The following RNLS variants were observed in gnomAD, a reference collection of about 807,000 sequenced individuals.
RNLS encodes renalase, FAD dependent amine oxidase.
RNLS carries 39 observed loss-of-function variants against 39.8 expected under a neutral mutation model. The ratio of observed to expected loss-of-function variants is 0.98; its 90% CI spans 0.76 to 1.28. The LOEUF is 1.28. Ranked by LOEUF, RNLS falls within the 50% of genes most tolerant of loss-of-function variation. The probability of loss-of-function intolerance (pLI) is 0.00; values close to 1 mark genes in which losing one functional copy is unlikely to be tolerated. For synonymous variants in RNLS, 147 were observed against 150.7 expected (o/e 0.98, Z 0.18); for missense variants, 410 against 413.3 (o/e 0.99, Z 0.07).
chr10:88,520,935 C>A (rs190411905), intron 4 of RNLS, among the ~76,000 whole-genome samples: 1 of 152,052 alleles, frequency 6.6e-6, no homozygotes, highest in African/African-American at 2.4e-5. Context: ...CTTGGCTGGG[C>A]TTCTCGTTCT....
At chr10:88,262,561 G>A in the RNLS span, among the ~76,000 whole-genome samples, 1 of 152,050 alleles carries the variant, frequency 6.6e-6, no homozygotes, top group Non-Finnish European at 1.5e-5. Context: ...TAGTTTTCAG[G>A]GGTAGTATAT....
At chr10:88,304,389 A>C (rs181189205) in intron 6 of RNLS, among the ~76,000 whole-genome samples, 1 of 152,356 alleles carries the variant, frequency 6.6e-6, no homozygotes, top group Admixed American at 6.5e-5. Flanking sequence ...ATGGATAGGA[A>C]TGAAGAACAC....
chr10:88,470,617 A>AC (rs374038961), intron 4 of RNLS, among the ~76,000 whole-genome samples: 1 of 141,668 alleles, frequency 7.1e-6, no homozygotes, highest in African/African-American at 2.6e-5. Context: ...TGTAATTTTA[A>AC]TTTTTTTTTT....
intron 5 of RNLS, among the ~76,000 whole-genome samples, chr10:88,348,234 A>G (rs999107959): frequency 6.6e-5 from 10 of 151,748 alleles, no homozygotes; most frequent in Non-Finnish European, 1.5e-4. Context: ...CATCTCATCT[A>G]TGACCTATAA....
intron 4 of RNLS, among the ~76,000 whole-genome samples, chr10:88,442,277 G>A (rs1012513709): frequency 2.0e-5 from 3 of 152,096 alleles, no homozygotes; most frequent in African/African-American, 7.2e-5. Context: ...TAAGTATATT[G>A]TTTATTTATT....
intron 5 of RNLS, among the ~76,000 whole-genome samples, chr10:88,315,076 T>C (rs374277517): frequency 2.2e-3 from 342 of 152,342 alleles, no homozygotes; most frequent in African/African-American, 7.5e-3. Context: ...CAATTAATGC[T>C]TAATGGGTTG....
rs1846279957 is a variant in RNLS at position 88,513,947 on chromosome 10, AT to A, written c.526+58955del. On this transcript the variant is annotated intron_variant, in intron 4 of 6. Transcript: ENST00000331772. ...TACATTTATTTTAGTGAAGTTCAACATTTTTTTTCATGTTTAATAACTACTT... is the reference window on the plus strand; with the variant it reads ...TACATTTATTTTAGTGAAGTTCAACATTTTTTTCATGTTTAATAACTACTT... Among the ~76,000 whole-genome samples the A allele has an allele frequency of 6.6e-5, 10 of 151,774 alleles. No individual in the cohort carries two copies. In the South Asian group the frequency reaches 1.9e-3, roughly 28 times the overall value.
chr10:88,450,844 A>C (rs930594260), intron 4 of RNLS, among the ~76,000 whole-genome samples: 7 of 152,250 alleles, frequency 4.6e-5, no homozygotes, highest in African/African-American at 4.8e-5. Flanking sequence ...ATATCTTTGT[A>C]CATGAGTTGT....
At chr10:88,407,329 C>T (rs1033290869) in intron 4 of RNLS, among the ~76,000 whole-genome samples, 4 of 151,882 alleles carry the variant, frequency 2.6e-5, no homozygotes, top group African/African-American at 9.7e-5. Flanking sequence ...AAAAATGCAA[C>T]ATTTATTGTT....
At chr10:88,428,039 A>T (rs1854904712) in intron 4 of RNLS, among the ~76,000 whole-genome samples, 1 of 151,238 alleles carries the variant, frequency 6.6e-6, no homozygotes, top group Non-Finnish European at 1.5e-5. Flanking sequence ...CTTGAACAAT[A>T]AAAAAAAAGA....
chr10:88,412,255 C>A (rs533488677), intron 4 of RNLS, among the ~76,000 whole-genome samples: 1 of 151,994 alleles, frequency 6.6e-6, no homozygotes, highest in Admixed American at 6.6e-5. Flanking sequence ...GGAACTCTTA[C>A]GTGGATCCTA....
At chr10:88,573,619 G>T (rs1017301907) in intron 3 of RNLS, among the ~76,000 whole-genome samples, 1 of 152,122 alleles carries the variant, frequency 6.6e-6, no homozygotes, top group Non-Finnish European at 1.5e-5. Context: ...TAGATCAATT[G>T]TCTTCATTAA....
chr10:88,203,951 C>T, the RNLS span, among the ~76,000 whole-genome samples: 1 of 151,980 alleles, frequency 6.6e-6, no homozygotes, highest in African/African-American at 2.4e-5. Flanking sequence ...CGAGCACTTA[C>T]CAGGTGTTGT....
At chr10:88,578,254 A>G (rs896631775) in intron 3 of RNLS, among the ~76,000 whole-genome samples, 10 of 152,054 alleles carry the variant, frequency 6.6e-5, no homozygotes, top group East Asian at 1.9e-4. Flanking sequence ...TTTGCATTTC[A>G]TTACGCTCAT....
intron 5 of RNLS, among the ~76,000 whole-genome samples, chr10:88,328,505 G>C (rs754700885): frequency 6.6e-6 from 1 of 152,100 alleles, no homozygotes; most frequent in Non-Finnish European, 1.5e-5. Flanking sequence ...CAGCATGCAT[G>C]TTTGCACGTT....
intron 4 of RNLS, among the ~76,000 whole-genome samples, chr10:88,388,057 C>T (rs914388419): frequency 1.3e-5 from 2 of 152,166 alleles, no homozygotes; most frequent in African/African-American, 2.4e-5. Context: ...TCATTTAACA[C>T]GTAGAAGTTG....
downstream of RNLS, among the ~76,000 whole-genome samples, chr10:88,281,585 T>C (rs10509542): frequency 8.9e-3 from 1,352 of 152,238 alleles, 27 homozygotes; most frequent in East Asian, 0.082. Flanking sequence ...GAGTAAAGAA[T>C]TGGTGTAAAG....
At chr10:88,448,574 T>C (rs1164250097) in intron 4 of RNLS, among the ~76,000 whole-genome samples, 1 of 152,200 alleles carries the variant, frequency 6.6e-6, no homozygotes, top group African/African-American at 2.4e-5. Context: ...AGTTCAACCA[T>C]TGTGGAAGAC....
intron 5 of RNLS, among the ~76,000 whole-genome samples, chr10:88,329,699 A>G (rs1273833031): frequency 1.3e-5 from 2 of 151,286 alleles, no homozygotes; most frequent in East Asian, 3.9e-4. Context: ...TTCTATCTCT[A>G]TCTCTCCATG....
Sources: gnomAD v4.1 joint callset for allele counts (sites outside exome capture counted in the v4.1 genomes callset) on GRCh38, gnomAD v4.1.1 for gene constraint, MANE v1.5 for transcripts, NCBI Gene and HGNC (gene_info 2026-07-23, HGNC 2026-07-21) for gene names.